PPP2R5C: variants seen among roughly 807,000 people sequenced by gnomAD.
PPP2R5C encodes the protein protein phosphatase 2 regulatory subunit B'gamma.
A neutral mutation model predicts 68.9 loss-of-function variants in PPP2R5C; 7 were observed. The ratio of observed to expected loss-of-function variants is 0.10; its 90% CI spans 0.06 to 0.19. The LOEUF (loss-of-function observed/expected upper bound fraction) is 0.19, where lower values mean the gene tolerates loss of function less well. PPP2R5C is among the 10% of genes least tolerant of loss of function. The probability of loss-of-function intolerance (pLI) is 1.00; values close to 1 mark genes in which losing one functional copy is unlikely to be tolerated. For synonymous variants in PPP2R5C, 210 were observed against 222.2 expected, an observed-to-expected ratio of 0.95 and a Z score of 0.49; for missense variants, 348 against 641.3, an observed-to-expected ratio of 0.54 and a Z score of 4.94.
intron 1 of PPP2R5C, among the ~76,000 whole-genome samples, chr14:101,849,866 C>T (rs1566904734): frequency 6.6e-6 from 1 of 152,206 alleles, no homozygotes; most frequent in Non-Finnish European, 1.5e-5. Flanking sequence ...CAGCACAGAG[C>T]CTGGCTGTTT....
intron 2 of PPP2R5C, among the ~76,000 whole-genome samples, chr14:101,779,973 C>G (rs1429179848): frequency 2.0e-5 from 3 of 152,114 alleles, no homozygotes; most frequent in Non-Finnish European, 4.4e-5. Flanking sequence ...TATAGGGAAG[C>G]CCCAGGTCCC....
At chr14:101,766,919 A>G (rs1411534532) in intron 2 of PPP2R5C, 7 of 152,218 alleles carry the variant, frequency 4.6e-5, no homozygotes, top group Non-Finnish European at 8.8e-5. Context: ...AGATCAGACC[A>G]TAGGTGGGTG....
chr14:101,820,329 G>C (rs2039972473), intron 1 of PPP2R5C: 1 of 152,172 alleles, frequency 6.6e-6, no homozygotes, highest in African/African-American at 2.4e-5. Flanking sequence ...TCTGCTGAGA[G>C]GGGTGGTGAC....
chr14:101,909,418 A>T (rs542907882), intron 10 of PPP2R5C, among the ~76,000 whole-genome samples, 171 bp from the exon 13 acceptor site: 59 of 152,244 alleles, frequency 3.9e-4, no homozygotes, highest in Non-Finnish European at 7.4e-4. Context: ...AAGTCTCGGG[A>T]TGTGTGGCTG....
chr14:101,828,543 T>C (rs1351282937), intron 1 of PPP2R5C, among the ~76,000 whole-genome samples: 2 of 152,116 alleles, frequency 1.3e-5, no homozygotes, highest in East Asian at 3.8e-4. Context: ...CAAATACATA[T>C]ACACAAAGAA....
chr14:101,811,847 C>CT (rs2039381271), intron 1 of PPP2R5C, among the ~76,000 whole-genome samples: 1 of 151,842 alleles, frequency 6.6e-6, no homozygotes, highest in African/African-American at 2.4e-5. Context: ...CACGTTGTGT[C>CT]TTGAACCACA....
intron 1 of PPP2R5C, chr14:101,831,708 A>G: frequency 1.4e-6 from 1 of 695,444 alleles, no homozygotes; most frequent in Non-Finnish European, 2.6e-6. Context: ...CAGATTGCAA[A>G]TGCACAAGAT....
intron 2 of PPP2R5C, among the ~76,000 whole-genome samples, chr14:101,767,463 G>A (rs762917435): frequency 1.8e-4 from 28 of 152,146 alleles, no homozygotes; most frequent in Non-Finnish European, 2.6e-4. Context: ...CATTTTGTTC[G>A]GCACAACTCC....
At chr14:101,828,801 C>A (rs1257375097) in intron 1 of PPP2R5C, among the ~76,000 whole-genome samples, 2 of 151,772 alleles carry the variant, frequency 1.3e-5, no homozygotes, top group African/African-American at 4.8e-5. Flanking sequence ...CCTCAGCCTC[C>A]CGAGCAACTG....
chr14:101,923,035 C>T (rs1294522453), intron 13 of PPP2R5C, among the ~76,000 whole-genome samples: 2 of 152,206 alleles, frequency 1.3e-5, no homozygotes, highest in Non-Finnish European at 2.9e-5. Context: ...CCACCTCTCT[C>T]TGACTTGTGT....
chr14:101,863,223 G>A (rs762474279), intron 2 of PPP2R5C, among the ~76,000 whole-genome samples: 10 of 151,640 alleles, frequency 6.6e-5, no homozygotes, highest in Non-Finnish European at 1.3e-4. Context: ...CAGGAGAATC[G>A]CTTGAACTTG....
intron 2 of PPP2R5C, among the ~76,000 whole-genome samples, chr14:101,771,007 C>G (rs561259105): frequency 3.3e-5 from 5 of 152,222 alleles, no homozygotes; most frequent in Admixed American, 6.5e-5. Flanking sequence ...GCACAGTGTC[C>G]TCTCTAATCA....
At chr14:101,841,638 G>T (rs1291918974) in intron 1 of PPP2R5C, among the ~76,000 whole-genome samples, 5 of 152,352 alleles carry the variant, frequency 3.3e-5, no homozygotes, top group Admixed American at 3.3e-4. Flanking sequence ...TCACTGTGGT[G>T]TTGGTGTTCT....
chr14:101,898,404 C>T (rs148395769), intron 8 of PPP2R5C, among the ~76,000 whole-genome samples: 5 of 152,276 alleles, frequency 3.3e-5, no homozygotes, highest in East Asian at 3.9e-4. Context: ...CCTTCTCCAC[C>T]GAGGGCTCGG....
At chr14:101,826,826 G>A (rs1227614712) in intron 1 of PPP2R5C, among the ~76,000 whole-genome samples, 1 of 152,098 alleles carries the variant, frequency 6.6e-6, no homozygotes, top group African/African-American at 2.4e-5. Flanking sequence ...GAACCTGTGG[G>A]CATCTGGGCA....
intron 9 of PPP2R5C, among the ~76,000 whole-genome samples, chr14:101,902,202 C>A (rs2045725696): frequency 6.6e-6 from 1 of 152,164 alleles, no homozygotes; most frequent in Admixed American, 6.5e-5. Flanking sequence ...ACCTGAGCAT[C>A]AATATTGATA....
chr14:101,921,925 A>G, intron 13 of PPP2R5C: 1 of 925,190 alleles, frequency 1.1e-6, no homozygotes, highest in Non-Finnish European at 1.3e-6. Flanking sequence ...AGCAAATATC[A>G]TGTGAATAAC....
chr14:101,877,331 G>A lies in PPP2R5C; in HGVS notation c.295-4830G>A, dbSNP rs1444182827. 2.6e-5 allele frequency among the ~76,000 whole-genome samples: 4 copies of A among 152,158 alleles called. No individual in the cohort carries two copies. Among genetic ancestry groups the A allele is most frequent in the Non-Finnish European group, 4.4e-5 (3 of 68,028 alleles). On this transcript the variant is annotated intron_variant, in intron 2 of 13. Transcript: ENST00000334743. The surrounding 1 kb of genome is among the most constrained non-coding windows in gnomAD (Gnocchi z 4.2). ...TCCTTCTTCTAGGTGGGAAGAGGGT[G>A]TAGAGAGACTGTTTCCATGAGGCTG...
intron 8 of PPP2R5C, among the ~76,000 whole-genome samples, chr14:101,898,788 A>G (rs949955115): frequency 2.0e-5 from 3 of 152,228 alleles, no homozygotes; most frequent in Non-Finnish European, 4.4e-5. Flanking sequence ...CATGTTAAGA[A>G]CATTCAGACC....
Sources: allele counts gnomAD v4.1 joint callset (sites outside exome capture counted in the v4.1 genomes callset), GRCh38; gene constraint gnomAD v4.1.1; non-coding constraint Gnocchi (gnomAD v3.1); transcripts MANE v1.5; gene names NCBI Gene and HGNC (gene_info 2026-07-23, HGNC 2026-07-21).